RNF187: variants seen among roughly 807,000 people sequenced by gnomAD.
RNF187 encodes the protein ring finger protein 187.
A neutral mutation model predicts 22.2 loss-of-function variants in RNF187; 18 were observed. The observed-to-expected ratio is 0.81, with a 90% CI of 0.56 to 1.20. RNF187 has a LOEUF of 1.20. Ranked by LOEUF, RNF187 falls within the 50% of genes most tolerant of loss-of-function variation. The pLI, the probability that RNF187 is intolerant of heterozygous loss-of-function variation, is 0.00. For synonymous variants in RNF187, 164 were observed against 140.9 expected (o/e 1.16, Z -1.16); for missense variants, 329 against 317.6 (o/e 1.04, Z -0.27).
At chr1:228,491,427 A>G in intron 2 of RNF187, among the ~76,000 whole-genome samples, 1 of 148,376 alleles carries the variant, frequency 6.7e-6, no homozygotes, top group Non-Finnish European at 1.5e-5. Flanking sequence ...AGATGGGTTA[A>G]TGGGAGAAAA....
intron 1 of RNF187, 148 bp from the exon 2 acceptor site, chr1:228,488,812 C>T: frequency 9.5e-6 from 6 of 632,024 alleles, no homozygotes; most frequent in Admixed American, 8.2e-5. Flanking sequence ...ACTGCCTGTG[C>T]GTTCCTGCCC....
At chr1:228,488,829 A>G in intron 1 of RNF187, 131 bp from the exon 2 acceptor site, 2 of 693,628 alleles carry the variant, frequency 2.9e-6, no homozygotes, top group African/African-American at 1.8e-5. Context: ...GCCCTAGACA[A>G]CCGGGCTTCG....
At chr1:228,488,726 A>G in intron 1 of RNF187, among the ~76,000 whole-genome samples, 2 of 152,332 alleles carry the variant, frequency 1.3e-5, no homozygotes, top group African/African-American at 4.8e-5. Flanking sequence ...CAGAACTCCT[A>G]AACCCACCTA....
At position 228,493,967 on chromosome 1, in the gene RNF187, C is replaced by T; in HGVS notation, c.*82C>T. On this transcript the variant is annotated 3_prime_UTR_variant, in exon 4 of 4. Transcript: ENST00000305943. This position sits in a 1 kb window ranked among gnomAD's most constrained non-coding sequence, Gnocchi z 4.7. ...CATGGGAAGTGTCAGCGTGTGGCTG[C>T]CAGGGAAGCGTGGCAGGCGCCTGGC... 1.3e-6 allele frequency: 2 copies of T among 1,551,572 alleles called. No individual in the cohort carries two copies. Among genetic ancestry groups the T allele is most frequent in the South Asian group, 2.4e-5 (2 of 84,062 alleles).
chr1:228,494,670 C>T lies in RNF187; in HGVS notation c.*785C>T. The T allele has an allele frequency of 5.1e-6, 5 of 985,654 alleles. No individual in the cohort carries two copies. The highest frequency in any genetic ancestry group is 6.0e-6 in the Non-Finnish European group (5 of 830,088). The allele number at this position is 985,654 out of a possible 1,614,324, so 61.1% of individuals were successfully genotyped here. ...GTTATCTCTAGCTCTTTCCCTCCTC[C>T]CATTTCCTTTAGTAGTTGAATTTTG... On this transcript the variant is annotated 3_prime_UTR_variant, in exon 4 of 4. Coordinates refer to ENST00000305943, the MANE Select transcript of RNF187 (RefSeq NM_001010858.3).
chr1:228,491,835 C>G, intron 2 of RNF187, among the ~76,000 whole-genome samples: 1 of 152,162 alleles, frequency 6.6e-6, no homozygotes, highest in Non-Finnish European at 1.5e-5. Flanking sequence ...TATATACTGA[C>G]TTGGACAAAG....
intron 2 of RNF187, among the ~76,000 whole-genome samples, chr1:228,491,128 C>T: frequency 2.0e-5 from 3 of 152,182 alleles, no homozygotes; most frequent in East Asian, 3.9e-4. Context: ...TGGTTCATGC[C>T]TGTAATCCCA....
At position 228,495,608 on chromosome 1, in the gene RNF187, T is replaced by G; in HGVS notation, c.*1723T>G. On this transcript the variant is annotated 3_prime_UTR_variant, in exon 4 of 4. Transcript: ENST00000305943. ...CACCTGTGATGCTTGCCCGGACAGG[T>G]CCTGATGGCAGAGTCTCCCACAACA... 1 of 985,546 alleles carries G rather than the reference T, an allele frequency of 1.0e-6. No homozygotes were observed. Among genetic ancestry groups the G allele is most frequent in the Non-Finnish European group, 1.2e-6 (1 of 829,956 alleles). The allele number at this position is 985,546 out of a possible 1,614,324, so 61.1% of individuals were successfully genotyped here.
chr1:228,493,482 G>A lies in RNF187; in HGVS notation c.705+208G>A. The stretch of plus-strand genomic sequence containing the variant: ...TTTTAAGTTGAGGAGGGTCTGAGGT[G>A]TCCCTGACCTTCACAAAGGAGGGCA... On this transcript the variant is annotated intron_variant, in intron 3 of 3. Coordinates refer to ENST00000305943, the MANE Select transcript of RNF187 (RefSeq NM_001010858.3). This position sits in a 1 kb window ranked among gnomAD's most constrained non-coding sequence, Gnocchi z 4.7. Among the ~76,000 whole-genome samples, 2 of 152,264 alleles carry A rather than the reference G, an allele frequency of 1.3e-5. No individual in the cohort carries two copies.
chr1:228,490,098 A>G, intron 2 of RNF187, among the ~76,000 whole-genome samples: 5 of 152,068 alleles, frequency 3.3e-5, no homozygotes, highest in African/African-American at 9.7e-5. Flanking sequence ...ATAAATTCCT[A>G]TCTCCTTCTT....
At chr1:228,490,389 A>G in intron 2 of RNF187, among the ~76,000 whole-genome samples, 6 of 152,204 alleles carry the variant, frequency 3.9e-5, no homozygotes, top group East Asian at 1.9e-4. Flanking sequence ...TGAGTGGTCA[A>G]CACTGCCCAG....
chr1:228,495,276 G>A lies in RNF187; in HGVS notation c.*1391G>A. 4.4e-6 allele frequency: 1 copy of A among 229,306 alleles called. No individual in the cohort carries two copies. The highest frequency in any genetic ancestry group is 7.2e-6 in the Non-Finnish European group (1 of 138,700). The allele number at this position is 229,306 out of a possible 1,614,324, so 14.2% of individuals were successfully genotyped here. A position where few individuals can be genotyped will look rare whatever the true frequency, so the allele number is the denominator to read the frequency against. On this transcript the variant is annotated 3_prime_UTR_variant, in exon 4 of 4. Transcript: ENST00000305943. ...AAACCCACCTCACAGAGTCCTTGCT[G>A]CAGGCAGGCAGGGCGATCAGACATT... is the stretch of plus-strand genomic sequence containing the variant.
chr1:228,492,060 A>AT, intron 2 of RNF187, among the ~76,000 whole-genome samples: 11 of 151,160 alleles, frequency 7.3e-5, no homozygotes, highest in African/African-American at 1.5e-4. Flanking sequence ...CTGTTTTTTG[A>AT]TTTTTTTTAA....
At position 228,493,952 on chromosome 1, in the gene RNF187, G is replaced by T; in HGVS notation, c.*67G>T. 6.4e-7 allele frequency: 1 copy of T among 1,551,734 alleles called. No individual in the cohort carries two copies. Among genetic ancestry groups the T allele is most frequent in the Non-Finnish European group, 8.7e-7 (1 of 1,146,996 alleles). ...ATGGATCCTCATCTCCATGGGAAGT[G>T]TCAGCGTGTGGCTGCCAGGGAAGCG... is the stretch of plus-strand genomic sequence containing the variant. On this transcript the variant is annotated 3_prime_UTR_variant, in exon 4 of 4. Coordinates refer to ENST00000305943, the MANE Select transcript of RNF187 (RefSeq NM_001010858.3). The surrounding 1 kb of genome is among the most constrained non-coding windows in gnomAD (Gnocchi z 4.7).
At chr1:228,492,618 C>CTTTTTT in intron 2 of RNF187, among the ~76,000 whole-genome samples, 27 of 62,110 alleles carry the variant, frequency 4.3e-4, no homozygotes, top group Non-Finnish European at 6.8e-4. Context: ...CCGTGCCTGG[C>CTTTTTT]TTTTTTTTTT....
Position 228,493,433 on chromosome 1 carries a change from G to T in RNF187, c.705+159G>T. On this transcript the variant is annotated intron_variant, in intron 3 of 3. Coordinates refer to ENST00000305943, the MANE Select transcript of RNF187 (RefSeq NM_001010858.3). This position sits in a 1 kb window ranked among gnomAD's most constrained non-coding sequence, Gnocchi z 4.7. Reference sequence around the variant, plus strand: ...GCTGAATTTCGGGAATGGGTGGGTGGTCAGGGAAGGTGATGGGAAGGGGTT... The same window carrying T: ...GCTGAATTTCGGGAATGGGTGGGTGTTCAGGGAAGGTGATGGGAAGGGGTT... Among the ~76,000 whole-genome samples the T allele has an allele frequency of 6.6e-6, 1 of 152,380 alleles. No homozygotes were observed. Among genetic ancestry groups the T allele is most frequent in the East Asian group, 1.9e-4 (1 of 5,180 alleles).
Position 228,495,005 on chromosome 1 carries a change from T to G in RNF187, c.*1120T>G. 1.0e-6 allele frequency: 1 copy of G among 985,816 alleles called. No individual in the cohort carries two copies. Among genetic ancestry groups the G allele is most frequent in the Non-Finnish European group, 1.2e-6 (1 of 830,186 alleles). The allele number at this position is 985,816 out of a possible 1,614,324, so 61.1% of individuals were successfully genotyped here. ...TTCGTCTCCGTGTGTCCACCTGGCC[T>G]CTTCCCCCTGCCCTGGCCACCCTCC... On this transcript the variant is annotated 3_prime_UTR_variant, in exon 4 of 4. Transcript: ENST00000305943.
At chr1:228,491,205 C>T in intron 2 of RNF187, among the ~76,000 whole-genome samples, 2 of 151,572 alleles carry the variant, frequency 1.3e-5, no homozygotes, top group Admixed American at 6.6e-5. Context: ...GCCTGGGTAA[C>T]ATAGTGAGAC....
In RNF187 at chr1:228,494,771, T is replaced by TGGGGACAGGATTGCAAAGTC; in HGVS notation, c.*894_*913dup. On this transcript the variant is annotated 3_prime_UTR_variant, in exon 4 of 4. Transcript: ENST00000305943. ...AAATTAGTCGACAGAAACTCAGCACTGGGGACAGGATTGCAAAGTCGGGGA... is the reference window on the plus strand; with the variant it reads ...AAATTAGTCGACAGAAACTCAGCACTGGGGACAGGATTGCAAAGTCGGGGACAGGATTGCAAAGTCGGGGA... 1 of 985,182 alleles carries TGGGGACAGGATTGCAAAGTC rather than the reference T, an allele frequency of 1.0e-6. No homozygotes were observed. Among genetic ancestry groups the TGGGGACAGGATTGCAAAGTC allele is most frequent in the Non-Finnish European group, 1.2e-6 (1 of 829,914 alleles). 61.0% of individuals were successfully genotyped at this position (985,182 alleles called of 1,614,324 possible).
Sources: allele counts gnomAD v4.1 joint callset (sites outside exome capture counted in the v4.1 genomes callset), GRCh38; gene constraint gnomAD v4.1.1; non-coding constraint Gnocchi (gnomAD v3.1); transcripts MANE v1.5; gene names NCBI Gene and HGNC (gene_info 2026-07-23, HGNC 2026-07-21).